Variants in ITPR2 observed in about 807,000 individuals in gnomAD.
ITPR2 encodes the protein inositol 1,4,5-trisphosphate receptor type 2.
A neutral mutation model predicts 317.1 loss-of-function variants in ITPR2; 207 were observed. The ratio of observed to expected loss-of-function variants is 0.65; its 90% CI spans 0.58 to 0.73. The LOEUF is 0.73. ITPR2 is among the 30% of genes least tolerant of loss of function. The pLI, the probability that ITPR2 is intolerant of heterozygous loss-of-function variation, is 0.00. For synonymous variants in ITPR2, 1,156 were observed against 1,149.1 expected (o/e 1.01, Z -0.12); for missense variants, 2,613 against 3,284.0 (o/e 0.80, Z 4.99).
chr12:26,759,932 T>G (rs573019617), intron 2 of ITPR2, among the ~76,000 whole-genome samples: 1 of 152,344 alleles, frequency 6.6e-6, no homozygotes, highest in South Asian at 2.1e-4. Flanking sequence ...AAAATGTAAT[T>G]AGTCATCCCT....
At chr12:26,542,023 T>C (rs1944277304) in intron 37 of ITPR2, among the ~76,000 whole-genome samples, 1 of 152,236 alleles carries the variant, frequency 6.6e-6, no homozygotes, top group Non-Finnish European at 1.5e-5. Flanking sequence ...AAATATCACC[T>C]ACCCAACCTG....
At chr12:26,387,380 T>C in intron 55 of ITPR2, 54 bp downstream of exon 55, 2 of 1,537,232 alleles carry the variant, frequency 1.3e-6, no homozygotes, top group South Asian at 1.2e-5. Flanking sequence ...GTAGAGAAGA[T>C]GAAAGCCTAA....
intron 9 of ITPR2, among the ~76,000 whole-genome samples, chr12:26,706,878 C>T (rs1948561836): frequency 6.6e-6 from 1 of 152,162 alleles, no homozygotes; most frequent in South Asian, 2.1e-4. Context: ...GGCTGGGCCT[C>T]AGTTTTAATA....
intron 1 of ITPR2, among the ~76,000 whole-genome samples, chr12:26,830,083 T>A (rs1422968053): frequency 2.6e-5 from 4 of 152,194 alleles, no homozygotes; most frequent in African/African-American, 9.7e-5. Context: ...TTTGTATTTT[T>A]AATAGAGATG....
intron 37 of ITPR2, among the ~76,000 whole-genome samples, chr12:26,546,598 TC>T (rs1237970525): frequency 6.6e-6 from 1 of 152,022 alleles, no homozygotes; most frequent in Non-Finnish European, 1.5e-5. Context: ...GCCAAAGCAA[TC>T]CTGAGTGAAA....
chr12:26,371,395 G>A (rs985109909), intron 55 of ITPR2, among the ~76,000 whole-genome samples: 4 of 152,138 alleles, frequency 2.6e-5, no homozygotes, highest in Non-Finnish European at 5.9e-5. Flanking sequence ...TTCAGAAATA[G>A]TTCTAGGTAC....
At chr12:26,644,389 T>A (rs1947062795) in intron 21 of ITPR2, among the ~76,000 whole-genome samples, 1 of 152,102 alleles carries the variant, frequency 6.6e-6, no homozygotes, top group African/African-American at 2.4e-5. Flanking sequence ...GCACCATCTA[T>A]CAACCAGAAG....
Position 26,534,637 on chromosome 12 carries a change from T to A in ITPR2, c.5073+15610A>T, listed in dbSNP as rs548992281. 3.1e-4 allele frequency among the ~76,000 whole-genome samples: 47 copies of A among 152,238 alleles called. No individual in the cohort carries two copies. The South Asian group carries it at 4.8e-3, about 15-fold the overall frequency. ...TATGAAAACCAGAGAATGGAGCTTCTCTCTCAAGATTTTATGATGTAAATT... is the reference window on the plus strand; with the variant it reads ...TATGAAAACCAGAGAATGGAGCTTCACTCTCAAGATTTTATGATGTAAATT... On this transcript the variant is annotated intron_variant, in intron 37 of 56. Coordinates refer to ENST00000381340, the MANE Select transcript of ITPR2 (RefSeq NM_002223.4).
intron 37 of ITPR2, among the ~76,000 whole-genome samples, chr12:26,511,700 T>C (rs1943351522): frequency 6.6e-6 from 1 of 152,244 alleles, no homozygotes; most frequent in African/African-American, 2.4e-5. Context: ...TTCTGACCTC[T>C]GATGAATAGA....
intron 45 of ITPR2, among the ~76,000 whole-genome samples, chr12:26,448,013 A>AAAAAC (rs1173802715): frequency 6.6e-6 from 1 of 151,320 alleles, no homozygotes; most frequent in African/African-American, 2.4e-5. Context: ...AAAAAAAAAA[A>AAAAAC]AACCCAGCAT....
intron 37 of ITPR2, among the ~76,000 whole-genome samples, chr12:26,520,048 GTGGGAAAGAAACTATTCT>G (rs1242859701): frequency 2.0e-5 from 3 of 152,182 alleles, no homozygotes; most frequent in East Asian, 3.8e-4. Flanking sequence ...GGCAATGAAG[GTGGGAAAGAAACTATTCT>G]TGTTACATTT....
At chr12:26,639,582 T>C (rs1204307042) in intron 21 of ITPR2, among the ~76,000 whole-genome samples, 2 of 151,470 alleles carry the variant, frequency 1.3e-5, no homozygotes, top group African/African-American at 2.4e-5. Context: ...AACTCGTCAT[T>C]TAACATTAGG....
chr12:26,712,059 G>A (rs924174589), intron 8 of ITPR2, among the ~76,000 whole-genome samples: 21 of 152,148 alleles, frequency 1.4e-4, no homozygotes, highest in African/African-American at 5.1e-4. Context: ...AGGCGGGATG[G>A]GCAGCAGAAA....
chr12:26,387,601 A>C lies in ITPR2; in HGVS notation c.7697-7T>G. The C allele has an allele frequency of 1.2e-6, 2 of 1,612,326 alleles. No individual in the cohort carries two copies. Among genetic ancestry groups the C allele is most frequent in the Non-Finnish European group, 8.5e-7 (1 of 1,179,054 alleles). The stretch of plus-strand genomic sequence containing the variant: ...AACTTGTCTCTCTCAAGTCCTGAAA[A>C]ACACAGGCAACACAATATATGTAAT... On this transcript the variant is annotated splice_region_variant and splice_polypyrimidine_tract_variant and intron_variant, in intron 54 of 56. Transcript: ENST00000381340.
At chr12:26,739,575 C>G (rs1213469334) in intron 2 of ITPR2, among the ~76,000 whole-genome samples, 3 of 152,106 alleles carry the variant, frequency 2.0e-5, no homozygotes, top group Non-Finnish European at 4.4e-5. Context: ...CACATGAGGC[C>G]ATTTATATGA....
At chr12:26,401,674 C>T (rs1335750088) in intron 52 of ITPR2, among the ~76,000 whole-genome samples, 2 of 152,138 alleles carry the variant, frequency 1.3e-5, no homozygotes, top group Admixed American at 6.5e-5. Context: ...ACAATATGCC[C>T]GTCAAGGCAT....
At chr12:26,681,830 T>G (rs1405702972) in intron 13 of ITPR2, 44 bp downstream of exon 13, 1 of 1,414,080 alleles carries the variant, frequency 7.1e-7, no homozygotes, top group Non-Finnish European at 9.9e-7. Flanking sequence ...CTATAACAAT[T>G]GACAACTGAC....
At chr12:26,567,546 T>C (rs1284177646) in intron 34 of ITPR2, among the ~76,000 whole-genome samples, 2 of 152,082 alleles carry the variant, frequency 1.3e-5, no homozygotes, top group Non-Finnish European at 1.5e-5. Flanking sequence ...TGAACAGAGC[T>C]AAATGACAAT....
At chr12:26,786,792 A>G (rs1008428369) in intron 2 of ITPR2, among the ~76,000 whole-genome samples, 2 of 152,258 alleles carry the variant, frequency 1.3e-5, no homozygotes, top group African/African-American at 2.4e-5. Context: ...TACCATGAGT[A>G]TGAAAAACAA....
Sources: gnomAD v4.1 joint callset for allele counts (sites outside exome capture counted in the v4.1 genomes callset) on GRCh38, gnomAD v4.1.1 for gene constraint, MANE v1.5 for transcripts, NCBI Gene and HGNC (gene_info 2026-07-23, HGNC 2026-07-21) for gene names.